The following COL7A1 variants were observed in gnomAD, a reference collection of about 807,000 sequenced individuals.
COL7A1 encodes collagen alpha-1(VII) chain.
A neutral mutation model predicts 456.2 loss-of-function variants in COL7A1; 296 were observed. That is an observed-to-expected ratio of 0.65 (90% CI 0.59 to 0.71). The LOEUF (loss-of-function observed/expected upper bound fraction) is 0.71. Among genes scored for constraint, COL7A1 ranks in the 30% least tolerant of loss-of-function variants. The pLI, the probability that COL7A1 is intolerant of heterozygous loss-of-function variation, is 0.00. For synonymous variants in COL7A1, 1,464 were observed against 1,525.9 expected (o/e 0.96, Z 0.95); for missense variants, 3,441 against 4,017.2 (o/e 0.86, Z 3.88).
At position 48,593,449 on chromosome 3, in the gene COL7A1, C is replaced by T; in HGVS notation, c.427G>A (p.Val143Ile). 1 of 1,614,120 alleles carries T rather than the reference C, an allele frequency of 6.2e-7. No homozygotes were observed. Residue 143 changes from valine (V) to isoleucine (I), a missense_variant and splice_region_variant, in exon 5 of 119, where the codon GTC becomes ATC. This residue lies in a region of COL7A1 where 913 missense variants were observed against 1,088.2 expected (regional missense o/e 0.84). Transcript: ENST00000681320. The surrounding 1 kb of genome is among the most constrained non-coding windows in gnomAD (Gnocchi z 4.4). Reference sequence around the variant, plus strand: ...TTCCCGTCTGTGATCAGGATGCAGACCTGGGACAGGTGCAGGGGTCAAATC... The same window carrying T: ...TTCCCGTCTGTGATCAGGATGCAGATCTGGGACAGGTGCAGGGGTCAAATC... ...PQLARPGVPK[V>I]CILITDGKSQ...
In COL7A1 at chr3:48,566,590, G is replaced by GTGACCTC. The variant is rs2043617238; in HGVS notation, c.8305-34_8305-28dup. On this transcript the variant is annotated intron_variant, in intron 112 of 118. Transcript: ENST00000681320. This position sits in a 1 kb window ranked among gnomAD's most constrained non-coding sequence, Gnocchi z 5.9. ...TATGTGCAACAGATGGGACCAGGCT[G>GTGACCTC]TGACCTCTGACCTCAGGGACAACAG... 1 of 1,614,060 alleles carries GTGACCTC rather than the reference G, an allele frequency of 6.2e-7. No individual in the cohort carries two copies. The highest frequency in any genetic ancestry group is 1.1e-5 in the South Asian group (1 of 91,088).
Position 48,575,658 on chromosome 3 carries a change from C to A in COL7A1, c.5947G>T (p.Asp1983Tyr). Residue 1983 changes from aspartate to tyrosine, a missense_variant, in exon 73 of 119, where the codon GAC (aspartate) becomes TAC (tyrosine). Asp to Tyr is a radical substitution (Grantham distance 160). Transcript: ENST00000681320. This position sits in a 1 kb window ranked among gnomAD's most constrained non-coding sequence, Gnocchi z 6.3. ...CCTGGGGGGCCCTGTTCGCCTGAGT[C>A]CCCCTTGGGGCCTCGACGCCGTTCG... ...VPERRRGPKGDSGEQGPPGKE... is the reference protein window; with the variant it reads ...VPERRRGPKGYSGEQGPPGKE... 6.2e-7 allele frequency: 1 copy of A among 1,613,556 alleles called. No homozygotes were observed. Among genetic ancestry groups the A allele is most frequent in the African/African-American group, 1.3e-5 (1 of 75,076 alleles).
chr3:48,584,796 G>A (rs2045108576), intron 34 of COL7A1, 27 bp from the exon 35 acceptor site: 1 of 1,613,898 alleles, frequency 6.2e-7, no homozygotes, highest in Admixed American at 1.7e-5. Context: ...GCAGAGGGTG[G>A]TGCTTGGGCT....
At position 48,586,312 on chromosome 3, in the gene COL7A1, C is replaced by T. The variant is rs373711223; in HGVS notation, c.3550+20G>A. The T allele has an allele frequency of 6.2e-7, 1 of 1,613,854 alleles. No homozygotes were observed. Among genetic ancestry groups the T allele is most frequent in the Non-Finnish European group, 8.5e-7 (1 of 1,179,988 alleles). On this transcript the variant is annotated intron_variant, in intron 27 of 118. Coordinates refer to ENST00000681320, the MANE Select transcript of COL7A1 (RefSeq NM_000094.4). The surrounding 1 kb of genome is among the most constrained non-coding windows in gnomAD (Gnocchi z 5.1). Reference sequence around the variant, plus strand: ...GCCACCCCTATTCCCAGACCCCTTCCCCATCAGCCTACTCCTTACCAGAAG... The same window carrying T: ...GCCACCCCTATTCCCAGACCCCTTCTCCATCAGCCTACTCCTTACCAGAAG...
At position 48,564,678 on chromosome 3, in the gene COL7A1, C is replaced by A; in HGVS notation, c.8818+105G>T. 1 of 1,323,496 alleles carries A rather than the reference C, an allele frequency of 7.6e-7. No homozygotes were observed. The highest frequency in any genetic ancestry group is 2.5e-5 in the East Asian group (1 of 39,788). 82.0% of individuals were successfully genotyped at this position (1,323,496 alleles called of 1,614,324 possible). A position where few individuals can be genotyped will look rare whatever the true frequency, so the allele number is the denominator to read the frequency against. Reference sequence around the variant, plus strand: ...GGTCCCCTACTGCGAGGGAGCGTCTCCTCCAGGACCCTGACCTGGAACCCT... The same window carrying A: ...GGTCCCCTACTGCGAGGGAGCGTCTACTCCAGGACCCTGACCTGGAACCCT... On this transcript the variant is annotated intron_variant, in intron 118 of 118. Transcript: ENST00000681320. This position sits in a 1 kb window ranked among gnomAD's most constrained non-coding sequence, Gnocchi z 6.0.
Position 48,571,310 on chromosome 3 carries a change from G to T in COL7A1, c.7069-32C>A. On this transcript the variant is annotated intron_variant, in intron 92 of 118. Transcript: ENST00000681320. The surrounding 1 kb of genome is among the most constrained non-coding windows in gnomAD (Gnocchi z 4.6). ...AAACCCAGCAAACAGCATTTGAGAG[G>T]GTAGGAACATGAGCACAGAGTTCAG... 6.2e-7 allele frequency: 1 copy of T among 1,613,760 alleles called. No individual in the cohort carries two copies. The highest frequency in any genetic ancestry group is 8.5e-7 in the Non-Finnish European group (1 of 1,179,756).
Position 48,572,021 on chromosome 3 carries a change from G to T in COL7A1, c.7048C>A (p.Pro2350Thr). 6.2e-7 allele frequency: 1 copy of T among 1,612,798 alleles called. No individual in the cohort carries two copies. The highest frequency in any genetic ancestry group is 8.5e-7 in the Non-Finnish European group (1 of 1,179,464). ...CTCACATCTTCCCCAGGGTCTCCGG[G>T]CTCCCCTGCACGGCCAGCTTCACCC... ...EKGEAGRAGE[P>T]GDPGEDGQKG... The change falls in exon 92 of 119, where the codon CCC becomes ACC. Residue 2350 changes from proline to threonine, a missense_variant. Transcript: ENST00000681320. This position sits in a 1 kb window ranked among gnomAD's most constrained non-coding sequence, Gnocchi z 4.6.
rs2107717516 is a variant in COL7A1 at position 48,582,329 on chromosome 3, T to G, written c.4629A>C (p.Ala1543=). 2.5e-6 allele frequency: 4 copies of G among 1,613,892 alleles called. No individual in the cohort carries two copies. The highest frequency in any genetic ancestry group is 2.5e-6 in the Non-Finnish European group (3 of 1,179,944). The part of the protein sequence containing the change: ...KGEPGRPGDP[A]VVGPAVAGPK... Reference sequence around the variant, plus strand: ...CCATCCTCCCGTCACTCACCACCACTGCAGGGTCCCCAGGGCGACCAGGCT... The same window carrying G: ...CCATCCTCCCGTCACTCACCACCACGGCAGGGTCCCCAGGGCGACCAGGCT... The change falls in exon 47 of 119, where the codon GCA becomes GCC. Residue 1543 remains alanine (A), a synonymous_variant. Coordinates refer to ENST00000681320, the MANE Select transcript of COL7A1 (RefSeq NM_000094.4).
Position 48,568,748 on chromosome 3 carries a change from A to ACCTGGG in COL7A1, c.7758+30_7758+35dup, listed in dbSNP as rs767210608. On this transcript the variant is annotated intron_variant, in intron 104 of 118. Transcript: ENST00000681320. This position sits in a 1 kb window ranked among gnomAD's most constrained non-coding sequence, Gnocchi z 5.2. ...TGTGTGTGTGTGATGCTGGCTCTGG[A>ACCTGGG]CCTGGGCCTGGGCCTGGGCCTGGGG... 566 of 1,551,150 alleles carry ACCTGGG rather than the reference A, an allele frequency of 3.6e-4. No individual in the cohort carries two copies. The highest frequency in any genetic ancestry group is 1.0e-3 in the East Asian group (43 of 41,404).
chr3:48,566,228 T>TGGGGTGGAGTGGGAGACTGC lies in COL7A1; in HGVS notation c.8407+19_8407+38dup. 6.3e-7 allele frequency: 1 copy of TGGGGTGGAGTGGGAGACTGC among 1,582,060 alleles called. No homozygotes were observed. On this transcript the variant is annotated intron_variant, in intron 114 of 118. Coordinates refer to ENST00000681320, the MANE Select transcript of COL7A1 (RefSeq NM_000094.4). The surrounding 1 kb of genome is among the most constrained non-coding windows in gnomAD (Gnocchi z 5.9). ...GCCTGCCTGCCCTTGCCTAGGGTGC[T>TGGGGTGGAGTGGGAGACTGC]GGGGTGGAGTGGGAGACTGCGGGCT...
In COL7A1 at chr3:48,586,286, G is replaced by A. The variant is rs2045253374; in HGVS notation, c.3551-40C>T. The A allele has an allele frequency of 6.2e-7, 1 of 1,613,582 alleles. No individual in the cohort carries two copies. The highest frequency in any genetic ancestry group is 8.5e-7 in the Non-Finnish European group (1 of 1,180,038). On this transcript the variant is annotated intron_variant, in intron 27 of 118. Coordinates refer to ENST00000681320, the MANE Select transcript of COL7A1 (RefSeq NM_000094.4). This position sits in a 1 kb window ranked among gnomAD's most constrained non-coding sequence, Gnocchi z 5.1. ...AGTGGCTGCATGATAGCCTTTTCAGGGCCACCCCTATTCCCAGACCCCTTC... is the reference window on the plus strand; with the variant it reads ...AGTGGCTGCATGATAGCCTTTTCAGAGCCACCCCTATTCCCAGACCCCTTC...
In COL7A1 at chr3:48,586,383, C is replaced by A. The variant is rs1250363853; in HGVS notation, c.3499G>T (p.Glu1167Ter). The A allele has an allele frequency of 6.2e-7, 1 of 1,613,792 alleles. No homozygotes were observed. The highest frequency in any genetic ancestry group is 8.5e-7 in the Non-Finnish European group (1 of 1,179,994). The change falls in exon 27 of 119, where the codon GAA becomes TAA. Residue 1167 changes from glutamate (E) to a stop codon, truncating the protein, a stop_gained. Coordinates refer to ENST00000681320, the MANE Select transcript of COL7A1 (RefSeq NM_000094.4). LOFTEE classifies it high-confidence loss of function. The surrounding 1 kb of genome is among the most constrained non-coding windows in gnomAD (Gnocchi z 5.1). ...CTGAATATGTCACCTCTCAAGGGTT[C>A]ATCCACTAGCAGAACCATCACCCCT... is the stretch of plus-strand genomic sequence containing the variant. ...VPGVMVLLVD[E>*]PLRGDIFSPI...
Position 48,578,434 on chromosome 3 carries a change from C to T in COL7A1, c.5487+19G>A. Reference sequence around the variant, plus strand: ...GGTAGTAAGGGGGAAAAGGGGGTAACATGAAAGTCTGGTCTCACCGGTAAT... The same window carrying T: ...GGTAGTAAGGGGGAAAAGGGGGTAATATGAAAGTCTGGTCTCACCGGTAAT... On this transcript the variant is annotated intron_variant, in intron 64 of 118. Coordinates refer to ENST00000681320, the MANE Select transcript of COL7A1 (RefSeq NM_000094.4). The surrounding 1 kb of genome is among the most constrained non-coding windows in gnomAD (Gnocchi z 4.7). 1 of 1,613,408 alleles carries T rather than the reference C, an allele frequency of 6.2e-7. No homozygotes were observed. The highest frequency in any genetic ancestry group is 8.5e-7 in the Non-Finnish European group (1 of 1,180,024).
In COL7A1 at chr3:48,567,281, G is replaced by A; in HGVS notation, c.8047-91C>T. ...ACTCCCATGAGCTCCCTGGCCTAATGCCCAAACCTTCTGTAACCCAAGCAC... is the reference window on the plus strand; with the variant it reads ...ACTCCCATGAGCTCCCTGGCCTAATACCCAAACCTTCTGTAACCCAAGCAC... On this transcript the variant is annotated intron_variant, in intron 109 of 118. Transcript: ENST00000681320. This position sits in a 1 kb window ranked among gnomAD's most constrained non-coding sequence, Gnocchi z 4.3. The A allele has an allele frequency of 1.3e-6, 2 of 1,510,560 alleles. No individual in the cohort carries two copies. The highest frequency in any genetic ancestry group is 1.4e-5 in the African/African-American group (1 of 72,936). 93.6% of individuals were successfully genotyped at this position (1,510,560 alleles called of 1,614,324 possible).
rs763932586 is a variant in COL7A1, at chr3:48,590,541, C to T, written c.1824G>A (p.Val608=). The T allele has an allele frequency of 9.9e-6, 16 of 1,614,180 alleles. No homozygotes were observed. The highest frequency in any genetic ancestry group is 1.6e-4 in the Middle Eastern group (1 of 6,062). The change falls in exon 15 of 119, where the codon GTG becomes GTA. Residue 608 remains valine (V), a synonymous_variant. Coordinates refer to ENST00000681320, the MANE Select transcript of COL7A1 (RefSeq NM_000094.4). This position sits in a 1 kb window ranked among gnomAD's most constrained non-coding sequence, Gnocchi z 4.6. ...PLAVPGLRVV[V]SDATRVRVAW... Reference sequence around the variant, plus strand: ...CCACCCTCACTCGCGTTGCATCTGACACCACAACCCGCAGCCCTGGAACAG... The same window carrying T: ...CCACCCTCACTCGCGTTGCATCTGATACCACAACCCGCAGCCCTGGAACAG...
chr3:48,566,167 C>T lies in COL7A1; in HGVS notation c.8407+100G>A. The T allele has an allele frequency of 7.9e-7, 1 of 1,258,368 alleles. No homozygotes were observed. Among genetic ancestry groups the T allele is most frequent in the African/African-American group, 1.5e-5 (1 of 67,402 alleles). The allele number at this position is 1,258,368 out of a possible 1,614,324, so 78.0% of individuals were successfully genotyped here. ...TCCTTCTGTGTATCCATCCATCCCC[C>T]CATCTTCTTGACTGCTTGCCCTGTA... is the stretch of plus-strand genomic sequence containing the variant. On this transcript the variant is annotated intron_variant, in intron 114 of 118. Coordinates refer to ENST00000681320, the MANE Select transcript of COL7A1 (RefSeq NM_000094.4). This position sits in a 1 kb window ranked among gnomAD's most constrained non-coding sequence, Gnocchi z 5.9.
In COL7A1 at chr3:48,571,837, C is replaced by A. The variant is rs905242059; in HGVS notation, c.7068+164G>T. The A allele has an allele frequency of 5.8e-6, 5 of 855,990 alleles. No individual in the cohort carries two copies. Among genetic ancestry groups the A allele is most frequent in the Admixed American group, 4.5e-5 (2 of 44,254 alleles). 53.0% of individuals were successfully genotyped at this position (855,990 alleles called of 1,614,324 possible). ...CCCCCAGAGCTCAGAGTGTGGAAGC[C>A]GACAGTGTGTGGCTCCCTGTGATCC... On this transcript the variant is annotated intron_variant, in intron 92 of 118. Transcript: ENST00000681320. The surrounding 1 kb of genome is among the most constrained non-coding windows in gnomAD (Gnocchi z 4.6).
intron 67 of COL7A1, 46 bp from the exon 68 acceptor site, chr3:48,576,817 G>C: frequency 6.2e-7 from 1 of 1,613,910 alleles, no homozygotes; most frequent in Non-Finnish European, 8.5e-7. Context: ...CCTCAGAAAA[G>C]AGTGGAGTCA....
At position 48,578,615 on chromosome 3, in the gene COL7A1, A is replaced by G; in HGVS notation, c.5425-100T>C. On this transcript the variant is annotated intron_variant, in intron 63 of 118. Coordinates refer to ENST00000681320, the MANE Select transcript of COL7A1 (RefSeq NM_000094.4). The surrounding 1 kb of genome is among the most constrained non-coding windows in gnomAD (Gnocchi z 4.7). ...CCCCAAAAAGATCTCCCTCCAGGGT[A>G]GAGACCCCCAGGACTGAGAGGTCCC... The G allele has an allele frequency of 7.4e-7, 1 of 1,357,916 alleles. No individual in the cohort carries two copies. The highest frequency in any genetic ancestry group is 1.0e-6 in the Non-Finnish European group (1 of 964,622). 84.1% of individuals were successfully genotyped at this position (1,357,916 alleles called of 1,614,324 possible). A position where few individuals can be genotyped will look rare whatever the true frequency, so the allele number is the denominator to read the frequency against.
Sources: allele counts gnomAD v4.1 joint callset, GRCh38; gene constraint gnomAD v4.1.1; regional missense constraint gnomAD v4.1.1; non-coding constraint Gnocchi (gnomAD v3.1); transcripts MANE v1.5; gene names NCBI Gene and HGNC (gene_info 2026-07-23, HGNC 2026-07-21).